The following DIP2C variants were observed in gnomAD, a reference collection of about 807,000 sequenced individuals.
DIP2C encodes the protein disco-interacting protein 2 homolog C.
Under a neutral mutation model 192.4 loss-of-function variants are expected in DIP2C, and 33 were observed. The ratio of observed to expected loss-of-function variants is 0.17; its 90% confidence interval spans 0.13 to 0.23. DIP2C has a LOEUF of 0.23. Ranked by LOEUF, DIP2C falls within the 10% of genes least tolerant of loss-of-function variation. DIP2C has a pLI of 1.00. For synonymous variants in DIP2C, 979 were observed against 864.1 expected (o/e 1.13, Z -2.33); for missense variants, 1,537 against 2,110.1 (o/e 0.73, Z 5.32).
In DIP2C at chr10:546,643, C is replaced by T. The variant is rs1848300064; in HGVS notation, c.86-60113G>A. 2.0e-5 allele frequency among the ~76,000 whole-genome samples: 3 copies of T among 152,222 alleles called. No homozygotes were observed. The South Asian group carries it at 6.2e-4, about 32-fold the overall frequency. ...GCTGTCTGCAACGCAGAGTCTGGAC[C>T]CTGGTCGACGGGCCTTTCTGCCCCA... is the stretch of plus-strand genomic sequence containing the variant. On this transcript the variant is annotated intron_variant, in intron 1 of 36. Coordinates refer to ENST00000280886, the MANE Select transcript of DIP2C (RefSeq NM_014974.3).
At chr10:549,656 G>A (rs1025079407) in intron 1 of DIP2C, among the ~76,000 whole-genome samples, 4 of 152,016 alleles carry the variant, frequency 2.6e-5, no homozygotes, top group Non-Finnish European at 5.9e-5. Context: ...CTTCAGAGCG[G>A]AGGGCCCCCC....
chr10:495,271 ATG>A (rs1486129182), intron 1 of DIP2C, among the ~76,000 whole-genome samples: 3 of 152,212 alleles, frequency 2.0e-5, no homozygotes, highest in African/African-American at 7.2e-5. Flanking sequence ...TCAAGAAAAA[ATG>A]AGTCAATTCT....
At chr10:348,894 T>A in intron 25 of DIP2C, 132 bp from the exon 26 acceptor site, 1 of 1,365,588 alleles carries the variant, frequency 7.3e-7, no homozygotes, top group Non-Finnish European at 1.0e-6. Flanking sequence ...ACAGCCTCCG[T>A]CATCCTGGCG....
intron 1 of DIP2C, chr10:631,322 G>A (rs1258739705): frequency 6.6e-6 from 1 of 152,180 alleles, no homozygotes; most frequent in Non-Finnish European, 1.5e-5. Flanking sequence ...TCCACCCACT[G>A]TAGCAGCGGA....
intron 1 of DIP2C, among the ~76,000 whole-genome samples, chr10:565,354 T>TAAAAAAAAAAAAAAAAAAA (rs59721670): frequency 7.2e-4 from 82 of 114,062 alleles, no homozygotes; most frequent in African/African-American, 1.5e-3. Flanking sequence ...ACCTGCATTC[T>TAAAAAAAAAAAAAAAAAAA]AAAAAAAAAA....
intron 1 of DIP2C, among the ~76,000 whole-genome samples, chr10:670,776 A>T (rs549776644): frequency 6.6e-6 from 1 of 152,334 alleles, no homozygotes; most frequent in African/African-American, 2.4e-5. Context: ...TGCAAATCAC[A>T]GCTGTGAAAA....
intron 32 of DIP2C, among the ~76,000 whole-genome samples, chr10:295,493 G>C (rs1292766264): frequency 6.7e-6 from 1 of 148,412 alleles, no homozygotes; most frequent in East Asian, 2.0e-4. Context: ...CCCGGGAGGC[G>C]GAGCTTGCAG....
At chr10:470,972 G>A (rs1333176666) in intron 3 of DIP2C, among the ~76,000 whole-genome samples, 1 of 152,172 alleles carries the variant, frequency 6.6e-6, no homozygotes, top group Non-Finnish European at 1.5e-5. Context: ...AGTGAGGGAA[G>A]CGTTGGTCAC....
intron 1 of DIP2C, chr10:664,755 A>G (rs1180128394): frequency 6.6e-6 from 1 of 152,222 alleles, no homozygotes; most frequent in Non-Finnish European, 1.5e-5. Flanking sequence ...TAATGTATCA[A>G]GCATTTTAAA....
intron 2 of DIP2C, among the ~76,000 whole-genome samples, chr10:481,086 CTT>C (rs1200250482): frequency 1.3e-5 from 2 of 152,140 alleles, no homozygotes; most frequent in Non-Finnish European, 2.9e-5. Flanking sequence ...GAAGCGCTGC[CTT>C]GGGGTCACCA....
At chr10:304,430 A>C (rs1277157292) in intron 32 of DIP2C, among the ~76,000 whole-genome samples, 3 of 152,184 alleles carry the variant, frequency 2.0e-5, no homozygotes, top group Non-Finnish European at 4.4e-5. Flanking sequence ...CGAGCTCCAC[A>C]GACAGCCCAG....
At chr10:502,993 T>A (rs142267971) in intron 1 of DIP2C, among the ~76,000 whole-genome samples, 24 of 150,710 alleles carry the variant, frequency 1.6e-4, no homozygotes, top group African/African-American at 5.9e-4. Context: ...GACACCGACC[T>A]GCAGACTTAT....
intron 1 of DIP2C, among the ~76,000 whole-genome samples, chr10:495,332 T>C (rs1205430481): frequency 1.3e-5 from 2 of 152,182 alleles, no homozygotes; most frequent in African/African-American, 4.8e-5. Context: ...CAATGTACCA[T>C]CTGCCTGAAA....
intron 1 of DIP2C, among the ~76,000 whole-genome samples, chr10:560,869 C>T (rs1259060971): frequency 1.3e-5 from 2 of 152,128 alleles, no homozygotes; most frequent in Non-Finnish European, 2.9e-5. Context: ...AACTTAGACT[C>T]TTAGCCTGAC....
intron 5 of DIP2C, among the ~76,000 whole-genome samples, chr10:421,646 T>C (rs1477228366): frequency 1.3e-5 from 2 of 152,386 alleles, no homozygotes; most frequent in African/African-American, 2.4e-5. Context: ...AGTTTAATAC[T>C]GCTTTGCATT....
At chr10:418,906 C>T (rs1325666401) in intron 6 of DIP2C, among the ~76,000 whole-genome samples, 159 bp downstream of exon 6, 9 of 152,224 alleles carry the variant, frequency 5.9e-5, no homozygotes, top group Non-Finnish European at 1.3e-4. Flanking sequence ...ATTTTTGTGG[C>T]TAGGCCACCT....
In DIP2C at chr10:556,091, C is replaced by A. The variant is rs1375143552; in HGVS notation, c.86-69561G>T. Among the ~76,000 whole-genome samples the A allele has an allele frequency of 3.6e-5, 5 of 139,090 alleles. No individual in the cohort carries two copies. In the South Asian group the frequency reaches 7.2e-4, roughly 20 times the overall value. The allele number at this position is 139,090 out of a possible 152,430, so 91.2% of individuals were successfully genotyped here. ...TCCCAGGACAGCACCCACCCACCCC[C>A]CCTTCCATAGCCGGATCCCCGGACA... On this transcript the variant is annotated intron_variant, in intron 1 of 36. Transcript: ENST00000280886.
intron 1 of DIP2C, among the ~76,000 whole-genome samples, chr10:615,766 AGT>A (rs1464825033): frequency 6.6e-6 from 1 of 152,170 alleles, no homozygotes; most frequent in Non-Finnish European, 1.5e-5. Flanking sequence ...TCTTGACTTT[AGT>A]GTTTAAAATC....
At chr10:459,751 A>G (rs1264912335) in intron 3 of DIP2C, among the ~76,000 whole-genome samples, 5 of 148,466 alleles carry the variant, frequency 3.4e-5, no homozygotes, top group Non-Finnish European at 7.4e-5. Flanking sequence ...GGGCTCTGGG[A>G]TCTTCCTCCC....
Sources: gnomAD v4.1 joint callset for allele counts (sites outside exome capture counted in the v4.1 genomes callset) on GRCh38, gnomAD v4.1.1 for gene constraint, MANE v1.5 for transcripts, NCBI Gene and HGNC (gene_info 2026-07-23, HGNC 2026-07-21) for gene names.